Variants in TMEM67 observed in about 807,000 individuals in gnomAD.
TMEM67 encodes the protein transmembrane protein 67, also known as meckelin.
In TMEM67, 124 loss-of-function variants were observed where a neutral mutation model predicts 136.6. The ratio of observed to expected loss-of-function variants is 0.91; its 90% CI spans 0.78 to 1.05. The LOEUF is 1.05. TMEM67 is among the 50% of genes least tolerant of loss of function. The pLI, the probability that TMEM67 is intolerant of heterozygous loss-of-function variation, is 0.00. For missense variants in TMEM67, 1,107 were observed against 1,178.4 expected, an observed-to-expected ratio of 0.94 and a Z score of 0.89; for synonymous variants, 364 against 390.5, an observed-to-expected ratio of 0.93 and a Z score of 0.80.
chr8:93,762,444 G>A (rs1455638640), intron 3 of TMEM67, among the ~76,000 whole-genome samples: 1 of 149,130 alleles, frequency 6.7e-6, no homozygotes, highest in Admixed American at 6.8e-5. Flanking sequence ...CAGTCCTCCT[G>A]CCTTGACCTC....
At chr8:93,822,745 G>T (rs1307760684), downstream of TMEM67, among the ~76,000 whole-genome samples, 1 of 152,108 alleles carries the variant, frequency 6.6e-6, no homozygotes, top group Non-Finnish European at 1.5e-5. Context: ...CCAGGTTAGG[G>T]AATTGAATGC....
At chr8:93,828,245 G>A in the TMEM67 span, among the ~76,000 whole-genome samples, 1 of 152,056 alleles carries the variant, frequency 6.6e-6, no homozygotes, top group East Asian at 1.9e-4. Flanking sequence ...ACACCCTCTG[G>A]AAGGTCCTAC....
chr8:93,756,727 T>A (rs1176052191), intron 2 of TMEM67: 3 of 152,306 alleles, frequency 2.0e-5, no homozygotes, highest in Middle Eastern at 3.4e-3. Flanking sequence ...TAAAAAGTGG[T>A]CTCGCAGCAG....
intron 10 of TMEM67, 104 bp from the exon 11 acceptor site, chr8:93,782,291 A>G (rs1424553133): frequency 1.2e-6 from 1 of 810,330 alleles, no homozygotes; most frequent in Admixed American, 2.1e-5. Context: ...GATACATTAA[A>G]TAAGTATTAT....
At chr8:93,828,275 C>T in the TMEM67 span, among the ~76,000 whole-genome samples, 3 of 152,120 alleles carry the variant, frequency 2.0e-5, no homozygotes, top group Non-Finnish European at 2.9e-5. Flanking sequence ...GAACATGTAG[C>T]CATATGCATT....
At chr8:93,767,158 A>G (rs969622988) in intron 6 of TMEM67, among the ~76,000 whole-genome samples, 6 of 152,146 alleles carry the variant, frequency 3.9e-5, no homozygotes, top group Non-Finnish European at 7.4e-5. Flanking sequence ...AACAGTTTTG[A>G]ATATTACAGG....
intron 11 of TMEM67, among the ~76,000 whole-genome samples, chr8:93,783,371 T>C (rs1813937839): frequency 6.6e-6 from 1 of 152,218 alleles, no homozygotes; most frequent in African/African-American, 2.4e-5. Flanking sequence ...AAAGTAATGC[T>C]TACTTCTGAG....
intron 21 of TMEM67, among the ~76,000 whole-genome samples, chr8:93,801,749 A>C (rs1234828001): frequency 6.6e-6 from 1 of 152,194 alleles, no homozygotes; most frequent in African/African-American, 2.4e-5. Flanking sequence ...GGTGGTATTC[A>C]GTAATCTGTG....
chr8:93,811,515 G>T (rs181437300), intron 26 of TMEM67, among the ~76,000 whole-genome samples: 152 of 152,290 alleles, frequency 1.0e-3, no homozygotes, highest in Non-Finnish European at 1.8e-3. Context: ...ACTCTATCCT[G>T]TAAACCTGTT....
At chr8:93,785,497 G>T in intron 12 of TMEM67, 119 bp downstream of exon 12, 1 of 1,006,292 alleles carries the variant, frequency 9.9e-7, no homozygotes. Flanking sequence ...CTCTTATGTG[G>T]TTCTATACAG....
At chr8:93,823,907 C>G (rs1322262823), downstream of TMEM67, among the ~76,000 whole-genome samples, 1 of 150,948 alleles carries the variant, frequency 6.6e-6, no homozygotes, top group East Asian at 1.9e-4. Flanking sequence ...TAGAGCCTCT[C>G]TCAAAGCCAT....
intron 6 of TMEM67, among the ~76,000 whole-genome samples, chr8:93,768,744 A>G (rs968769285): frequency 2.0e-5 from 3 of 152,008 alleles, no homozygotes; most frequent in Admixed American, 2.0e-4. Flanking sequence ...GGGGTTCATT[A>G]TCCTCAATTT....
chr8:93,813,218 G>T (rs1229004376), intron 26 of TMEM67, among the ~76,000 whole-genome samples: 2 of 151,260 alleles, frequency 1.3e-5, no homozygotes, highest in African/African-American at 2.4e-5. Context: ...TCGCTCTGTT[G>T]TCTAGGCTGG....
At chr8:93,804,089 C>T (rs1814992130) in intron 22 of TMEM67, among the ~76,000 whole-genome samples, 1 of 151,656 alleles carries the variant, frequency 6.6e-6, no homozygotes, top group Admixed American at 6.6e-5. Context: ...CCATGTTGGC[C>T]AGGCTGGTCT....
chr8:93,807,846 G>C (rs922779343), intron 23 of TMEM67, among the ~76,000 whole-genome samples: 1 of 151,968 alleles, frequency 6.6e-6, no homozygotes, highest in Admixed American at 6.6e-5. Flanking sequence ...GAGAACTTGA[G>C]TCGAACCTTG....
chr8:93,820,823 A>T (rs928316675), downstream of TMEM67, among the ~76,000 whole-genome samples: 3 of 152,218 alleles, frequency 2.0e-5, no homozygotes, highest in African/African-American at 7.2e-5. Flanking sequence ...TAGAGACTAC[A>T]TTAAGACACT....
chr8:93,788,876 A>G (rs558021331), intron 14 of TMEM67, among the ~76,000 whole-genome samples: 1 of 152,364 alleles, frequency 6.6e-6, no homozygotes, highest in South Asian at 2.1e-4. Flanking sequence ...GCTGCACTGC[A>G]GAGAATGAGC....
Position 93,787,958 on chromosome 8 carries a change from C to T in TMEM67, c.1518+9C>T, listed in dbSNP as rs749416984. On this transcript the variant is annotated intron_variant, in intron 14 of 27. Transcript: ENST00000453321. ...ACAGCCAGTCTGTGAAGGTGAGTTC[C>T]TGACTTATTAGTGCCCTTGTATGTA... is the stretch of plus-strand genomic sequence containing the variant. 5.6e-6 allele frequency: 9 copies of T among 1,597,106 alleles called. No individual in the cohort carries two copies. Among genetic ancestry groups the T allele is most frequent in the Non-Finnish European group, 7.7e-6 (9 of 1,164,626 alleles).
At chr8:93,799,880 A>G (rs1214722434) in intron 21 of TMEM67, 122 bp downstream of exon 21, 3 of 836,762 alleles carry the variant, frequency 3.6e-6, no homozygotes, top group African/African-American at 1.7e-5. Flanking sequence ...AGAAGGTGAC[A>G]AGAACAATAG....
Sources: gnomAD v4.1 joint callset for allele counts (sites outside exome capture counted in the v4.1 genomes callset) on GRCh38, gnomAD v4.1.1 for gene constraint, MANE v1.5 for transcripts, NCBI Gene and HGNC (gene_info 2026-07-23, HGNC 2026-07-21) for gene names.